Variants in RFXANK observed in about 807,000 individuals in gnomAD.
The protein encoded by RFXANK is DNA-binding protein RFXANK.
RFXANK carries 19 observed loss-of-function variants against 34.5 expected under a neutral mutation model. The ratio of observed to expected loss-of-function variants is 0.55; its 90% confidence interval spans 0.38 to 0.81. RFXANK has a LOEUF of 0.81. Among genes scored for constraint, RFXANK ranks in the 30% least tolerant of loss-of-function variants. RFXANK has a pLI of 0.00. For missense variants in RFXANK, 295 were observed against 343.5 expected, an observed-to-expected ratio of 0.86 and a Z score of 1.12; for synonymous variants, 154 against 149.8, an observed-to-expected ratio of 1.03 and a Z score of -0.20.
intron 3 of RFXANK, among the ~76,000 whole-genome samples, chr19:19,196,253 C>T (rs542533524): frequency 1.3e-5 from 2 of 152,012 alleles, no homozygotes. Context: ...TTTGGTAGCT[C>T]CAAGACCCCA....
At chr19:19,194,158 C>T (rs764149956) in intron 3 of RFXANK, 25 bp downstream of exon 3, 1 of 1,608,748 alleles carries the variant, frequency 6.2e-7, no homozygotes, top group Admixed American at 1.7e-5. Flanking sequence ...CTGGGATTAG[C>T]CCTCTGGGAT....
intron 1 of RFXANK, 64 bp from the exon 2 acceptor site, chr19:19,192,896 C>G (rs2060512761): frequency 6.6e-6 from 1 of 152,270 alleles, no homozygotes; most frequent in African/African-American, 2.4e-5. Context: ...GGTGCGCAAG[C>G]GCAGTGGGGG....
chr19:19,197,541 C>T lies in RFXANK; in HGVS notation c.358C>T (p.Pro120Ser). 6.2e-7 allele frequency: 1 copy of T among 1,613,904 alleles called. No individual in the cohort carries two copies. Among genetic ancestry groups the T allele is most frequent in the Non-Finnish European group, 8.5e-7 (1 of 1,180,014 alleles). Residue 120 changes from proline (P) to serine (S), a missense_variant, in exon 6 of 10, where the codon CCA becomes TCA. By Grantham distance (74) the Pro-to-Ser change is moderately conservative (BLOSUM62 -1). Coordinates refer to ENST00000303088, the MANE Select transcript of RFXANK (RefSeq NM_003721.4). ...GCCAGGTGACAACCTCGTCAACAAG[C>T]CAGACGAGCGCGGCTTCACCCCCCT... is the stretch of plus-strand genomic sequence containing the variant. ...LRKGDNLVNK[P>S]DERGFTPLIW...
At chr19:19,194,318 T>C (rs140226941) in intron 3 of RFXANK, among the ~76,000 whole-genome samples, 185 bp downstream of exon 3, 6,010 of 152,242 alleles carry the variant, frequency 0.039, 416 homozygotes, top group African/African-American at 0.14. Context: ...CTGCAACCTC[T>C]GCCTCCTGGG....
chr19:19,194,064 C>T lies in RFXANK; in HGVS notation c.118C>T (p.Leu40Phe). ...EAADGSDTVV[L>F]SLFPCTPEPV... ...TGCAGATGGCTCAGACACTGTGGTCCTCAGTCTCTTTCCCTGCACCCCTGA... is the reference window on the plus strand; with the variant it reads ...TGCAGATGGCTCAGACACTGTGGTCTTCAGTCTCTTTCCCTGCACCCCTGA... Residue 40 changes from leucine (L) to phenylalanine (F), a missense_variant, in exon 3 of 10, where the codon CTC becomes TTC. Leu to Phe is a conservative substitution (Grantham distance 22). Coordinates refer to ENST00000303088, the MANE Select transcript of RFXANK (RefSeq NM_003721.4). 1.2e-6 allele frequency: 2 copies of T among 1,614,146 alleles called. No individual in the cohort carries two copies. The highest frequency in any genetic ancestry group is 2.2e-5 in the South Asian group (2 of 91,088).
chr19:19,194,166 G>A (rs2146463474), intron 3 of RFXANK, 33 bp downstream of exon 3: 1 of 1,599,886 alleles, frequency 6.3e-7, no homozygotes. Flanking sequence ...AGCCCTCTGG[G>A]ATTCCATGAT....
At chr19:19,198,617 G>T in intron 7 of RFXANK, 40 bp from the exon 8 acceptor site, 1 of 1,606,854 alleles carries the variant, frequency 6.2e-7, no homozygotes. Flanking sequence ...GAATGAGGAA[G>T]AGGTAAACCT....
At chr19:19,196,862 C>G (rs2060607573) in intron 3 of RFXANK, 101 bp from the exon 4 acceptor site, 1 of 1,121,334 alleles carries the variant, frequency 8.9e-7, no homozygotes, top group Non-Finnish European at 1.3e-6. Context: ...GAGACTCCAT[C>G]TCAAACAACA....
intron 2 of RFXANK, 94 bp from the exon 3 acceptor site, chr19:19,193,845 C>A: frequency 1.4e-6 from 2 of 1,406,138 alleles, no homozygotes; most frequent in Non-Finnish European, 1.0e-6. Context: ...GTTTACCCAC[C>A]CTCACAGTGC....
Position 19,200,187 on chromosome 19 carries a change from T to C in RFXANK, c.712+953T>C, listed in dbSNP as rs1053235819. Among the ~76,000 whole-genome samples, 31 of 148,782 alleles carry C rather than the reference T, an allele frequency of 2.1e-4. 1 individual carries two copies. Among genetic ancestry groups the C allele is most frequent in the Middle Eastern group, 3.2e-3 (1 of 314 alleles). The stretch of plus-strand genomic sequence containing the variant: ...TTTTTTGTTGTTGCTTTTTTTTTTT[T>C]TTTTTTTGGACATGGAGTCTCGCGC... On this transcript the variant is annotated intron_variant, in intron 9 of 9. Transcript: ENST00000303088.
intron 3 of RFXANK, among the ~76,000 whole-genome samples, chr19:19,194,531 C>T (rs1447657580): frequency 3.9e-5 from 6 of 152,062 alleles, no homozygotes; most frequent in African/African-American, 1.4e-4. Context: ...CCACTGTGCC[C>T]GGCCTGTTTT....
intron 1 of RFXANK, 39 bp downstream of exon 1, chr19:19,192,593 T>G (rs1379160202): frequency 1.2e-5 from 2 of 162,354 alleles, no homozygotes; most frequent in Non-Finnish European, 2.7e-5. Context: ...CCCGCGTACT[T>G]CCCCTACTTC....
intron 6 of RFXANK, 37 bp downstream of exon 6, chr19:19,197,658 CG>C: frequency 1.9e-6 from 3 of 1,592,004 alleles, no homozygotes; most frequent in Non-Finnish European, 2.6e-6. Context: ...GGGGGGTTCC[CG>C]GGGGCCTTAG....
chr19:19,195,080 C>T (rs1412961558), intron 3 of RFXANK, among the ~76,000 whole-genome samples: 2 of 145,404 alleles, frequency 1.4e-5, no homozygotes, highest in Admixed American at 6.9e-5. Flanking sequence ...GATGGAGTCT[C>T]GCTCTGTCGC....
chr19:19,200,484 G>C (rs1371677878), intron 9 of RFXANK, among the ~76,000 whole-genome samples: 2 of 151,162 alleles, frequency 1.3e-5, no homozygotes, highest in East Asian at 3.9e-4. Context: ...CTGTGTTGTT[G>C]TTTTTTTAGA....
intron 3 of RFXANK, among the ~76,000 whole-genome samples, chr19:19,195,737 ATT>A (rs61553021): frequency 0.05 from 5,229 of 105,198 alleles, 68 homozygotes; most frequent in East Asian, 0.12. Context: ...CTGCTTTTAA[ATT>A]TTTTTTTTTT....
At chr19:19,199,950 T>C (rs1355100294) in intron 9 of RFXANK, among the ~76,000 whole-genome samples, 1 of 152,144 alleles carries the variant, frequency 6.6e-6, no homozygotes, top group Non-Finnish European at 1.5e-5. Flanking sequence ...TTTTACTGTG[T>C]TTGGGACAGA....
intron 4 of RFXANK, 63 bp downstream of exon 4, chr19:19,197,109 C>A (rs988142211): frequency 6.2e-7 from 1 of 1,610,342 alleles, no homozygotes; most frequent in African/African-American, 1.3e-5. Flanking sequence ...CTGTGAGGAG[C>A]AATCGTGGAC....
intron 5 of RFXANK, 85 bp from the exon 6 acceptor site, chr19:19,197,436 G>GC (rs2060620247): frequency 2.8e-6 from 4 of 1,411,380 alleles, no homozygotes; most frequent in Admixed American, 3.8e-5. Flanking sequence ...TCTAACCCCA[G>GC]CCCCCCACCT....
Sources: gnomAD v4.1 joint callset for allele counts (sites outside exome capture counted in the v4.1 genomes callset) on GRCh38, gnomAD v4.1.1 for gene constraint, MANE v1.5 for transcripts, NCBI Gene and HGNC (gene_info 2026-07-23, HGNC 2026-07-21) for gene names.